The following BCKDHB variants were observed in gnomAD, a reference collection of about 807,000 sequenced individuals.
The protein encoded by BCKDHB is 2-oxoisovalerate dehydrogenase subunit beta, mitochondrial.
Under a neutral mutation model 48.5 loss-of-function variants are expected in BCKDHB, and 41 were observed. The ratio of observed to expected loss-of-function variants is 0.85; its 90% CI spans 0.66 to 1.10. The LOEUF (loss-of-function observed/expected upper bound fraction) is 1.10, where lower values mean the gene tolerates loss of function less well. BCKDHB is among the 50% of genes least tolerant of loss of function. BCKDHB has a pLI of 0.00. For missense variants in BCKDHB, 496 were observed against 494.2 expected (o/e 1.00, Z -0.03); for synonymous variants, 201 against 174.8 (o/e 1.15, Z -1.18).
intron 9 of BCKDHB, among the ~76,000 whole-genome samples, chr6:80,321,677 C>A (rs558436553): frequency 6.6e-6 from 1 of 152,228 alleles, no homozygotes; most frequent in Admixed American, 6.5e-5. Flanking sequence ...TTTTTTAAAT[C>A]CCTTAAATGA....
the BCKDHB span, among the ~76,000 whole-genome samples, chr6:80,395,453 C>G: frequency 2.0e-5 from 3 of 152,248 alleles, no homozygotes; most frequent in African/African-American, 7.2e-5. Context: ...TCTTGCTATG[C>G]AAAAAGACTG....
At chr6:80,147,600 C>A (rs921770671) in intron 3 of BCKDHB, among the ~76,000 whole-genome samples, 1 of 152,030 alleles carries the variant, frequency 6.6e-6, no homozygotes, top group East Asian at 1.9e-4. Flanking sequence ...AGACTAAAAG[C>A]AGGGAGACGG....
intron 6 of BCKDHB, among the ~76,000 whole-genome samples, chr6:80,175,570 T>G (rs187181510): frequency 3.3e-5 from 5 of 152,302 alleles, no homozygotes; most frequent in East Asian, 1.9e-4. Context: ...GGCAAAAATT[T>G]GAAGAAAATG....
At chr6:80,308,645 A>G (rs1239394120) in intron 9 of BCKDHB, among the ~76,000 whole-genome samples, 7 of 146,138 alleles carry the variant, frequency 4.8e-5, no homozygotes, top group Non-Finnish European at 1.0e-4. Flanking sequence ...CCCAGGCTGG[A>G]GTGCAGTGGC....
At chr6:80,113,512 A>G (rs1037612627) in intron 1 of BCKDHB, among the ~76,000 whole-genome samples, 3 of 152,314 alleles carry the variant, frequency 2.0e-5, no homozygotes, top group Admixed American at 1.3e-4. Flanking sequence ...GTGCTTAGGC[A>G]TTGTGCGCTG....
intron 3 of BCKDHB, among the ~76,000 whole-genome samples, chr6:80,153,425 T>C (rs1254817277): frequency 1.3e-5 from 2 of 151,708 alleles, no homozygotes; most frequent in Non-Finnish European, 2.9e-5. Context: ...CCAGCTGGAG[T>C]GGATAGAGTT....
chr6:80,319,454 A>G (rs991939009), intron 9 of BCKDHB, among the ~76,000 whole-genome samples: 3 of 152,206 alleles, frequency 2.0e-5, no homozygotes, highest in Non-Finnish European at 4.4e-5. Context: ...TATTACTACA[A>G]TCTCTCTTGA....
At chr6:80,153,359 C>T (rs187416711) in intron 3 of BCKDHB, among the ~76,000 whole-genome samples, 1 of 152,222 alleles carries the variant, frequency 6.6e-6, no homozygotes, top group East Asian at 1.9e-4. Context: ...CACCCTTCAT[C>T]CCAGATAGAG....
chr6:80,116,732 C>G (rs1483361383), intron 1 of BCKDHB, among the ~76,000 whole-genome samples: 1 of 152,196 alleles, frequency 6.6e-6, no homozygotes, highest in Non-Finnish European at 1.5e-5. Flanking sequence ...GTTTGTTTTG[C>G]TATACCTTTT....
At chr6:80,137,884 G>A (rs1562078264) in intron 3 of BCKDHB, among the ~76,000 whole-genome samples, 1 of 151,710 alleles carries the variant, frequency 6.6e-6, no homozygotes, top group Non-Finnish European at 1.5e-5. Flanking sequence ...AAGAGTTTGA[G>A]ACCAGCCTGG....
At chr6:80,155,911 G>A (rs967507115) in intron 3 of BCKDHB, among the ~76,000 whole-genome samples, 6 of 148,982 alleles carry the variant, frequency 4.0e-5, no homozygotes, top group Admixed American at 1.3e-4. Context: ...TTTTTTGGTG[G>A]GATGCGTGAG....
intron 1 of BCKDHB, among the ~76,000 whole-genome samples, chr6:80,111,506 T>C (rs555647926): frequency 2.0e-5 from 3 of 152,332 alleles, no homozygotes; most frequent in South Asian, 4.1e-4. Context: ...ATTCTCGTTT[T>C]TCTTGCATTT....
At chr6:80,257,269 A>G (rs929736943) in intron 8 of BCKDHB, among the ~76,000 whole-genome samples, 2 of 151,732 alleles carry the variant, frequency 1.3e-5, no homozygotes, top group Admixed American at 1.3e-4. Flanking sequence ...TCTTGTCTTT[A>G]ATATCTGTCT....
chr6:80,135,553 C>T (rs1770844547), intron 3 of BCKDHB, among the ~76,000 whole-genome samples: 1 of 152,036 alleles, frequency 6.6e-6, no homozygotes, highest in African/African-American at 2.4e-5. Flanking sequence ...CTTGATATTA[C>T]AAAGTTCTTT....
chr6:80,203,265 ATGTTG>A, intron 8 of BCKDHB, 53 bp downstream of exon 8: 6 of 1,220,720 alleles, frequency 4.9e-6, no homozygotes, highest in Non-Finnish European at 7.3e-6. Context: ...TTGGCCAAAT[ATGTTG>A]TATATTTGCA....
chr6:80,453,701 AG>A, the BCKDHB span, among the ~76,000 whole-genome samples: 1 of 152,156 alleles, frequency 6.6e-6, no homozygotes, highest in African/African-American at 2.4e-5. Context: ...AAAAAGGAGT[AG>A]TGTCGGGTGT....
the BCKDHB span, among the ~76,000 whole-genome samples, chr6:80,402,489 C>A: frequency 6.6e-6 from 1 of 151,796 alleles, no homozygotes; most frequent in African/African-American, 2.4e-5. Context: ...TGTATGACTT[C>A]CATACATATT....
the BCKDHB span, among the ~76,000 whole-genome samples, chr6:80,403,831 T>A: frequency 6.6e-6 from 1 of 152,050 alleles, no homozygotes; most frequent in Non-Finnish European, 1.5e-5. Flanking sequence ...TATATTAAGA[T>A]AATCATATGT....
intron 8 of BCKDHB, among the ~76,000 whole-genome samples, chr6:80,230,118 A>G (rs1374927370): frequency 7.7e-6 from 1 of 130,648 alleles, no homozygotes; most frequent in Non-Finnish European, 1.5e-5. Flanking sequence ...GGCTCACTGC[A>G]AGCTCCGCCT....
Sources: gnomAD v4.1 joint callset for allele counts (sites outside exome capture counted in the v4.1 genomes callset) on GRCh38, gnomAD v4.1.1 for gene constraint, MANE v1.5 for transcripts, NCBI Gene and HGNC (gene_info 2026-07-23, HGNC 2026-07-21) for gene names.